The following POLA2 variants were observed in gnomAD, a reference collection of about 807,000 sequenced individuals.
POLA2 encodes DNA polymerase alpha 2, accessory subunit.
POLA2 carries 47 observed loss-of-function variants against 82.8 expected under a neutral mutation model. That is an observed-to-expected ratio of 0.57 (90% CI 0.45 to 0.72). The LOEUF is 0.72. POLA2 is among the 30% of genes least tolerant of loss of function. The pLI, the probability that POLA2 is intolerant of heterozygous loss-of-function variation, is 0.00. For synonymous variants in POLA2, 287 were observed against 286.8 expected, an observed-to-expected ratio of 1.00 and a Z score of -0.01; for missense variants, 634 against 728.1, an observed-to-expected ratio of 0.87 and a Z score of 1.49.
At chr11:65,295,768 A>G (rs1949803594) in intron 16 of POLA2, 96 bp from the exon 17 acceptor site, 1 of 1,484,302 alleles carries the variant, frequency 6.7e-7, no homozygotes, top group Admixed American at 1.7e-5. Context: ...CGGTCTGTGG[A>G]TGCCAGCAGC....
intron 10 of POLA2, among the ~76,000 whole-genome samples, chr11:65,284,377 G>A (rs752660034): frequency 1.3e-5 from 2 of 152,002 alleles, no homozygotes; most frequent in African/African-American, 4.8e-5. Context: ...CACTACTTGC[G>A]AGGCTGAAGT....
In POLA2 at chr11:65,287,787, C is replaced by A; in HGVS notation, c.1078C>A (p.Leu360Met). The A allele has an allele frequency of 6.2e-7, 1 of 1,613,960 alleles. No homozygotes were observed. Among genetic ancestry groups the A allele is most frequent in the Non-Finnish European group, 8.5e-7 (1 of 1,179,958 alleles). Residue 360 changes from leucine (L) to methionine (M), a missense_variant, in exon 11 of 18, where the codon CTG (leucine) becomes ATG (methionine). Coordinates refer to ENST00000265465, the MANE Select transcript of POLA2 (RefSeq NM_002689.4). The part of the protein sequence containing the change: ...TTSDSITYDP[L>M]LDLIAVINHD... The stretch of plus-strand genomic sequence containing the variant: ...ATCTGACAGCATCACGTATGACCCC[C>A]TGCTTGACCTGATTGCTGTCATCAA...
In POLA2 at chr11:65,282,668, T is replaced by G. The variant is rs1300247959; in HGVS notation, c.1006+147T>G. The G allele has an allele frequency of 5.6e-6, 4 of 709,740 alleles. No homozygotes were observed. The African/African-American group carries it at 7.0e-5, about 12-fold the overall frequency. 44.0% of individuals were successfully genotyped at this position (709,740 alleles called of 1,614,324 possible). On this transcript the variant is annotated intron_variant, in intron 10 of 17. Transcript: ENST00000265465. ...TGAGGGCGCCACCATCATGAGTTCG[T>G]AGGTTTTTTGTCACAAGACCCCTGG...
chr11:65,278,145 G>A (rs184569447), intron 5 of POLA2, among the ~76,000 whole-genome samples: 136 of 152,334 alleles, frequency 8.9e-4, no homozygotes, highest in African/African-American at 2.8e-3. Context: ...GAGTGGAAAT[G>A]TGAGAACTTG....
At chr11:65,305,776 A>T (rs1361942316), downstream of POLA2, among the ~76,000 whole-genome samples, 5 of 152,156 alleles carry the variant, frequency 3.3e-5, no homozygotes, top group African/African-American at 1.2e-4. Context: ...GCGCTCGTGC[A>T]TGTGTGAAAG....
chr11:65,295,611 G>T lies in POLA2; in HGVS notation c.1520+12G>T, dbSNP rs758125542. The T allele has an allele frequency of 5.0e-6, 8 of 1,609,220 alleles. No homozygotes were observed. The Admixed American group carries it at 1.3e-4, about 27-fold the overall frequency. On this transcript the variant is annotated intron_variant, in intron 16 of 17. Transcript: ENST00000265465. Reference sequence around the variant, plus strand: ...TTGACCCAGAGGAGGTGAGCTTGCCGCTGGGACCCCTGACTGTGGAGAGAG... The same window carrying T: ...TTGACCCAGAGGAGGTGAGCTTGCCTCTGGGACCCCTGACTGTGGAGAGAG...
intron 4 of POLA2, among the ~76,000 whole-genome samples, chr11:65,269,440 T>TC (rs1254165065): frequency 1.3e-5 from 2 of 149,226 alleles, no homozygotes; most frequent in South Asian, 4.2e-4. Flanking sequence ...TGAGCCGAGA[T>TC]CGCGCTACTG....
In POLA2 at chr11:65,296,134, G is replaced by A. The variant is rs371075489; in HGVS notation, c.1647+144G>A. ...CCTGCCCTGTGGCCTTGTTTCTTTGGGGAGGTGGTGGGACCAGAAAACAAA... is the reference window on the plus strand; with the variant it reads ...CCTGCCCTGTGGCCTTGTTTCTTTGAGGAGGTGGTGGGACCAGAAAACAAA... On this transcript the variant is annotated intron_variant, in intron 17 of 17. Coordinates refer to ENST00000265465, the MANE Select transcript of POLA2 (RefSeq NM_002689.4). 74 of 820,074 alleles carry A rather than the reference G, an allele frequency of 9.0e-5. 1 individual carries two copies. Among genetic ancestry groups the A allele is most frequent in the East Asian group, 6.9e-4 (28 of 40,310 alleles). 50.8% of individuals were successfully genotyped at this position (820,074 alleles called of 1,614,324 possible). A position where few individuals can be genotyped will look rare whatever the true frequency, so the allele number is the denominator to read the frequency against.
chr11:65,276,789 A>AT (rs1949584608), intron 5 of POLA2, among the ~76,000 whole-genome samples: 1 of 145,290 alleles, frequency 6.9e-6, no homozygotes, highest in African/African-American at 2.5e-5. Context: ...CAACTCTATC[A>AT]CTTTTTTTTT....
In POLA2 at chr11:65,282,517, T is replaced by C. The variant is rs917212636; in HGVS notation, c.1002T>C (p.Asp334=). ...CATTTTATCAGCCCACTGAAGAGGA[T>C]GCAGGTGAGTTTCGGTTCAAATATT... The part of the protein sequence containing the change: ...PLPFYQPTEE[D]ADFEQSMVLV... Residue 334 remains aspartate, a synonymous_variant, in exon 10 of 18, where the codon GAT becomes GAC. Coordinates refer to ENST00000265465, the MANE Select transcript of POLA2 (RefSeq NM_002689.4). 2 of 1,613,014 alleles carry C rather than the reference T, an allele frequency of 1.2e-6. No individual in the cohort carries two copies. The highest frequency in any genetic ancestry group is 2.7e-5 in the African/African-American group (2 of 74,882).
rs1949822829 is a variant in POLA2, at chr11:65,297,336, G to T, written c.*67G>T. 1.3e-6 allele frequency: 2 copies of T among 1,484,994 alleles called. No individual in the cohort carries two copies. The highest frequency in any genetic ancestry group is 1.4e-5 in the South Asian group (1 of 72,790). 92.0% of individuals were successfully genotyped at this position (1,484,994 alleles called of 1,614,324 possible). A position where few individuals can be genotyped will look rare whatever the true frequency, so the allele number is the denominator to read the frequency against. On this transcript the variant is annotated 3_prime_UTR_variant, in exon 18 of 18. Transcript: ENST00000265465. ...AGTCTTAGCCAAGAGCCAAGACATA[G>T]CCCTGTGACAAGGTGAACAGTTGGG...
intron 17 of POLA2, chr11:65,296,210 C>G (rs900696351): frequency 4.0e-6 from 2 of 500,138 alleles, no homozygotes; most frequent in Non-Finnish European, 7.3e-6. Flanking sequence ...CCTCCCTCCC[C>G]AAGAGAACGA....
At chr11:65,287,422 C>T (rs1213511917) in intron 10 of POLA2, among the ~76,000 whole-genome samples, 1 of 152,172 alleles carries the variant, frequency 6.6e-6, no homozygotes, top group Non-Finnish European at 1.5e-5. Flanking sequence ...GCAAATTCCA[C>T]CTTGGTAAAT....
At chr11:65,269,360 G>A (rs970586367) in intron 4 of POLA2, among the ~76,000 whole-genome samples, 16 of 152,040 alleles carry the variant, frequency 1.1e-4, no homozygotes, top group Non-Finnish European at 5.9e-5. Context: ...GGTGGTGGGC[G>A]CCTGTAGTCC....
intron 4 of POLA2, among the ~76,000 whole-genome samples, chr11:65,275,073 T>A (rs76838444): frequency 1.9e-4 from 29 of 152,342 alleles, no homozygotes; most frequent in South Asian, 8.3e-4. Context: ...ATTTTTTTTT[T>A]AATCTATTTT....
intron 13 of POLA2, 139 bp from the exon 14 acceptor site, chr11:65,294,009 TGTTCA>T: frequency 1.3e-6 from 1 of 741,276 alleles, no homozygotes; most frequent in Middle Eastern, 2.6e-4. Flanking sequence ...ACAGCGTCTC[TGTTCA>T]TAACAGAGTG....
At chr11:65,296,045 C>T (rs202222309) in intron 17 of POLA2, 55 bp downstream of exon 17, 133 of 1,604,476 alleles carry the variant, frequency 8.3e-5, no homozygotes, top group Non-Finnish European at 1.1e-4. Context: ...CTTTGACTTT[C>T]CCTTCTAGAC....
At chr11:65,305,662 C>T, downstream of POLA2, 1 of 293,950 alleles carries the variant, frequency 3.4e-6, no homozygotes, top group Middle Eastern at 1.3e-3. Context: ...GCCTGGGTGA[C>T]AGAGCAGGAC....
At chr11:65,264,908 C>T (rs1425836421) in intron 1 of POLA2, among the ~76,000 whole-genome samples, 1 of 152,170 alleles carries the variant, frequency 6.6e-6, no homozygotes, top group Non-Finnish European at 1.5e-5. Context: ...CTTCCCACTC[C>T]AGTTCTCTCC....
Sources: allele counts gnomAD v4.1 joint callset (sites outside exome capture counted in the v4.1 genomes callset), GRCh38; gene constraint gnomAD v4.1.1; transcripts MANE v1.5; gene names NCBI Gene and HGNC (gene_info 2026-07-23, HGNC 2026-07-21).